The following MARCHF8 variants were observed in gnomAD, a reference collection of about 807,000 sequenced individuals.
MARCHF8 encodes E3 ubiquitin-protein ligase MARCHF8.
MARCHF8 carries 40 observed loss-of-function variants against 51.6 expected under a neutral mutation model. That is an observed-to-expected ratio of 0.77 (90% CI 0.60 to 1.01). The LOEUF is 1.01. Ranked by LOEUF, MARCHF8 falls within the 50% of genes least tolerant of loss-of-function variation. The probability of loss-of-function intolerance (pLI) is 0.00; values close to 1 mark genes in which losing one functional copy is unlikely to be tolerated. For missense variants in MARCHF8, 685 were observed against 708.6 expected (o/e 0.97, Z 0.38); for synonymous variants, 263 against 280.3 (o/e 0.94, Z 0.62).
chr10:45,533,458 T>G (rs978299153), intron 1 of MARCHF8, among the ~76,000 whole-genome samples, 169 bp from the exon 2 acceptor site: 4 of 152,188 alleles, frequency 2.6e-5, no homozygotes, highest in Non-Finnish European at 4.4e-5. Context: ...AAGGGGAAAA[T>G]TCTAACATTT....
intron 3 of MARCHF8, among the ~76,000 whole-genome samples, chr10:45,474,794 A>C (rs1449215592): frequency 6.6e-6 from 1 of 152,206 alleles, no homozygotes; most frequent in Non-Finnish European, 1.5e-5. Context: ...GGCAGCCAAG[A>C]GGTTCCCCAG....
At chr10:45,539,552 A>G (rs2044021866), upstream of MARCHF8, among the ~76,000 whole-genome samples, 1 of 152,354 alleles carries the variant, frequency 6.6e-6, no homozygotes, top group South Asian at 2.1e-4. Flanking sequence ...GAAAAGATCA[A>G]CAAAATTGAT....
intron 6 of MARCHF8, chr10:45,459,889 A>T (rs1842731975): frequency 1.4e-5 from 14 of 985,434 alleles, no homozygotes; most frequent in Non-Finnish European, 1.7e-5. Context: ...TGGTTTCCGA[A>T]TCAGGAGAAA....
At chr10:45,485,019 A>G (rs1242843065) in intron 3 of MARCHF8, among the ~76,000 whole-genome samples, 1 of 152,214 alleles carries the variant, frequency 6.6e-6, no homozygotes, top group Non-Finnish European at 1.5e-5. Context: ...TTGAGAAGCT[A>G]CTGCAGGAGT....
chr10:45,551,569 G>A (rs917751806), intron 1 of MARCHF8, among the ~76,000 whole-genome samples: 2 of 151,952 alleles, frequency 1.3e-5, no homozygotes, highest in Admixed American at 6.6e-5. Flanking sequence ...AAAATATCCT[G>A]CTTTCCATAA....
chr10:45,491,232 A>C (rs2043074715), intron 2 of MARCHF8, among the ~76,000 whole-genome samples: 1 of 152,206 alleles, frequency 6.6e-6, no homozygotes, highest in Non-Finnish European at 1.5e-5. Context: ...TAAATTATAA[A>C]GTATGCTCAA....
chr10:45,555,158 G>A (rs761346115), intron 1 of MARCHF8, among the ~76,000 whole-genome samples: 3 of 152,192 alleles, frequency 2.0e-5, no homozygotes, highest in Non-Finnish European at 4.4e-5. Flanking sequence ...GAACCTAGAA[G>A]GTAGAGGTTG....
At chr10:45,581,640 C>G (rs978735495) in intron 1 of MARCHF8, among the ~76,000 whole-genome samples, 1 of 152,144 alleles carries the variant, frequency 6.6e-6, no homozygotes, top group African/African-American at 2.4e-5. Context: ...ATCAAAATTG[C>G]CCAGACTGGT....
chr10:45,516,724 A>G (rs748417708), intron 2 of MARCHF8, among the ~76,000 whole-genome samples: 4 of 152,172 alleles, frequency 2.6e-5, no homozygotes, highest in African/African-American at 7.2e-5. Context: ...AGACTGCGCC[A>G]CTGTGCTCCA....
At chr10:45,502,001 G>A (rs1406171951) in intron 2 of MARCHF8, among the ~76,000 whole-genome samples, 2 of 151,854 alleles carry the variant, frequency 1.3e-5, no homozygotes, top group Admixed American at 1.3e-4. Flanking sequence ...CAAATGTTGA[G>A]GATATAAAGA....
chr10:45,531,883 G>T (rs532198108), intron 2 of MARCHF8, among the ~76,000 whole-genome samples: 1 of 152,148 alleles, frequency 6.6e-6, no homozygotes, highest in Non-Finnish European at 1.5e-5. Flanking sequence ...AGGAAAAACT[G>T]CATAAATAAA....
intron 1 of MARCHF8, among the ~76,000 whole-genome samples, chr10:45,566,234 G>A (rs2044362238): frequency 6.6e-6 from 1 of 152,264 alleles, no homozygotes; most frequent in East Asian, 1.9e-4. Flanking sequence ...ACATCATGAA[G>A]AATAGGGTAT....
chr10:45,502,874 A>G (rs141098747), intron 2 of MARCHF8, among the ~76,000 whole-genome samples: 156 of 152,350 alleles, frequency 1.0e-3, no homozygotes, highest in African/African-American at 3.5e-3. Flanking sequence ...AAGCATTCAG[A>G]CAAAAACAAT....
intron 1 of MARCHF8, among the ~76,000 whole-genome samples, chr10:45,565,201 G>A (rs4073658): frequency 7.2e-5 from 11 of 151,954 alleles, no homozygotes; most frequent in Non-Finnish European, 1.3e-4. Context: ...GAGGCCAAGG[G>A]GGGTGAATCA....
intron 6 of MARCHF8, 95 bp from the exon 7 acceptor site, chr10:45,459,362 C>T: frequency 1.5e-6 from 2 of 1,341,622 alleles, no homozygotes; most frequent in Non-Finnish European, 2.0e-6. Flanking sequence ...GCTTTCCACC[C>T]CACTTCTCCC....
chr10:45,543,563 C>CCGA (rs1183229794), intron 1 of MARCHF8, among the ~76,000 whole-genome samples: 17 of 151,992 alleles, frequency 1.1e-4, no homozygotes, highest in African/African-American at 4.1e-4. Context: ...CTTTGGGAGG[C>CCGA]CGAGGCAGGC....
At chr10:45,560,908 A>T (rs1404452045) in intron 1 of MARCHF8, among the ~76,000 whole-genome samples, 1 of 152,224 alleles carries the variant, frequency 6.6e-6, no homozygotes. Flanking sequence ...AAATCAAAAA[A>T]GCCTCGTATA....
intron 3 of MARCHF8, 134 bp from the exon 4 acceptor site, chr10:45,464,461 G>T: frequency 1.4e-6 from 1 of 718,380 alleles, no homozygotes; most frequent in Non-Finnish European, 2.5e-6. Flanking sequence ...ACACATATTA[G>T]ATCCTTCTAA....
At chr10:45,525,631 T>A (rs2043779146) in intron 2 of MARCHF8, among the ~76,000 whole-genome samples, 2 of 151,778 alleles carry the variant, frequency 1.3e-5, no homozygotes, top group Admixed American at 1.3e-4. Flanking sequence ...AGAAAAAGAG[T>A]AACTTTATAG....
Sources: allele counts gnomAD v4.1 joint callset (sites outside exome capture counted in the v4.1 genomes callset), GRCh38; gene constraint gnomAD v4.1.1; transcripts MANE v1.5; gene names NCBI Gene and HGNC (gene_info 2026-07-23, HGNC 2026-07-21).